Variants in PLXNB1 observed in about 807,000 individuals in gnomAD.
PLXNB1 encodes the protein plexin-B1.
Under a neutral mutation model 209.4 loss-of-function variants are expected in PLXNB1, and 106 were observed. The observed-to-expected ratio is 0.51, with a 90% CI of 0.43 to 0.59. The LOEUF (loss-of-function observed/expected upper bound fraction) is 0.59. Ranked by LOEUF, PLXNB1 falls within the 20% of genes least tolerant of loss-of-function variation. PLXNB1 has a pLI of 0.00. For synonymous variants in PLXNB1, 1,167 were observed against 1,183.2 expected (o/e 0.99, Z 0.28); for missense variants, 2,357 against 2,853.2 (o/e 0.83, Z 3.96).
Position 48,410,900 on chromosome 3 carries a change from G to T in PLXNB1, c.5384C>A (p.Thr1795Asn). ...AAGGGTGCGAGGGTCTGGCCGCTGG[G>T]TGAGAGGCACTCCTTTATAAAGCTG... ...LDQLYKGVPL[T>N]QRPDPRTLDV... The change falls in exon 29 of 38, where the codon ACC (threonine) becomes AAC (asparagine). Residue 1795 changes from threonine to asparagine, a missense_variant. By Grantham distance (65) the Thr-to-Asn change is moderately conservative. Transcript: ENST00000296440. The surrounding 1 kb of genome is among the most constrained non-coding windows in gnomAD (Gnocchi z 6.4). 6.2e-7 allele frequency: 1 copy of T among 1,613,098 alleles called. No homozygotes were observed. Among genetic ancestry groups the T allele is most frequent in the South Asian group, 1.1e-5 (1 of 90,824 alleles).
At chr3:48,404,744 C>G (rs1002069) in intron 37 of PLXNB1, among the ~76,000 whole-genome samples, 154 bp from the exon 38 acceptor site, 2,012 of 152,238 alleles carry the variant, frequency 0.013, 39 homozygotes, top group African/African-American at 0.045. Context: ...ACCTCAGGGC[C>G]TCGCTGGCGG....
rs2037326482 is a variant in PLXNB1 at position 48,406,583 on chromosome 3, C to G, written c.6228+240G>C. The G allele has an allele frequency of 7.5e-7, 1 of 1,340,112 alleles. No individual in the cohort carries two copies. Among genetic ancestry groups the G allele is most frequent in the Non-Finnish European group, 9.5e-7 (1 of 1,047,456 alleles). 83.0% of individuals were successfully genotyped at this position (1,340,112 alleles called of 1,614,324 possible). ...TCCCAGCTACCTTGCAAGAGCCTGG[C>G]TGAATCAGGGTACATGGCAGCTGCC... On this transcript the variant is annotated intron_variant, in intron 36 of 37. Coordinates refer to ENST00000296440, the MANE Select transcript of PLXNB1 (RefSeq NM_001130082.3). The surrounding 1 kb of genome is among the most constrained non-coding windows in gnomAD (Gnocchi z 4.4).
rs866921425 is a variant in PLXNB1, at chr3:48,414,655, C to T, written c.4209+144G>A. On this transcript the variant is annotated intron_variant, in intron 21 of 37. Transcript: ENST00000296440. ...GCTAGGCACCCCCCACCAGCCCCCT[C>T]TGCCCCCACCACAGCAAGGATGAGG... 311 of 1,116,318 alleles carry T rather than the reference C, an allele frequency of 2.8e-4. 3 individuals carry two copies. The Middle Eastern group carries it at 4.9e-3, about 18-fold the overall frequency. 69.2% of individuals were successfully genotyped at this position (1,116,318 alleles called of 1,614,324 possible).
Position 48,415,787 on chromosome 3 carries a change from G to C in PLXNB1, c.3618-28C>G. 2 of 1,532,778 alleles carry C rather than the reference G, an allele frequency of 1.3e-6. No homozygotes were observed. The highest frequency in any genetic ancestry group is 1.8e-6 in the Non-Finnish European group (2 of 1,134,088). The allele number at this position is 1,532,778 out of a possible 1,614,324, so 94.9% of individuals were successfully genotyped here. ...GGGAGGGGAGGTGGGAATGAATGCAGGGGCGCAGGCAGGGAAAACTTGGAC... is the reference window on the plus strand; with the variant it reads ...GGGAGGGGAGGTGGGAATGAATGCACGGGCGCAGGCAGGGAAAACTTGGAC... On this transcript the variant is annotated intron_variant, in intron 18 of 37. Transcript: ENST00000296440. The surrounding 1 kb of genome is among the most constrained non-coding windows in gnomAD (Gnocchi z 5.0).
Position 48,415,056 on chromosome 3 carries a change from G to A in PLXNB1, c.3967-15C>T. The A allele has an allele frequency of 6.2e-7, 1 of 1,611,204 alleles. No homozygotes were observed. The highest frequency in any genetic ancestry group is 1.1e-5 in the South Asian group (1 of 91,058). On this transcript the variant is annotated splice_polypyrimidine_tract_variant and intron_variant, in intron 20 of 37. Coordinates refer to ENST00000296440, the MANE Select transcript of PLXNB1 (RefSeq NM_001130082.3). This position sits in a 1 kb window ranked among gnomAD's most constrained non-coding sequence, Gnocchi z 5.0. The stretch of plus-strand genomic sequence containing the variant: ...GGCTCCTCAAACTGGAAGGAAGACA[G>A]GCAGGTTGACGAGGGGCCAAGCAAA...
At chr3:48,408,366 C>T (rs962376221) in intron 34 of PLXNB1, among the ~76,000 whole-genome samples, 1 of 152,070 alleles carries the variant, frequency 6.6e-6, no homozygotes, top group African/African-American at 2.4e-5. Context: ...AAGTCCCAAG[C>T]CAACTGAGAC....
Position 48,417,626 on chromosome 3 carries a change from G to T in PLXNB1, c.3374+285C>A, listed in dbSNP as rs531683587. 6.6e-6 allele frequency among the ~76,000 whole-genome samples: 1 copy of T among 152,290 alleles called. No individual in the cohort carries two copies. Among genetic ancestry groups the T allele is most frequent in the South Asian group, 2.1e-4 (1 of 4,826 alleles). ...TGCCACAGCTATTAATATATCCACA[G>T]TCCCTCAGAAGACCAGGTGAGCAGA... is the stretch of plus-strand genomic sequence containing the variant. On this transcript the variant is annotated intron_variant, in intron 16 of 37. Coordinates refer to ENST00000296440, the MANE Select transcript of PLXNB1 (RefSeq NM_001130082.3). The surrounding 1 kb of genome is among the most constrained non-coding windows in gnomAD (Gnocchi z 4.4).
Position 48,424,272 on chromosome 3 carries a change from C to T in PLXNB1, c.340G>A (p.Val114Met), listed in dbSNP as rs1683728136. The change falls in exon 3 of 38, where the codon GTG (valine) becomes ATG (methionine). Residue 114 changes from valine to methionine, a missense_variant. Coordinates refer to ENST00000296440, the MANE Select transcript of PLXNB1 (RefSeq NM_001130082.3). ...CGCTGTTCACAGACCCCCTGGTGCA[C>T]GCTCCCGCATACCACCAGGGCCCCT... ...SPGALVVCGSVHQGVCEQRRL... is the reference protein window; with the variant it reads ...SPGALVVCGSMHQGVCEQRRL... 4 of 1,592,242 alleles carry T rather than the reference C, an allele frequency of 2.5e-6. No homozygotes were observed. Among genetic ancestry groups the T allele is most frequent in the Non-Finnish European group, 3.4e-6 (4 of 1,169,776 alleles).
Position 48,404,475 on chromosome 3 carries a change from CTCCTGGGT to C in PLXNB1, c.*3_*10del, listed in dbSNP as rs757815254. 1 of 1,590,066 alleles carries C rather than the reference CTCCTGGGT, an allele frequency of 6.3e-7. No individual in the cohort carries two copies. The highest frequency in any genetic ancestry group is 1.1e-5 in the South Asian group (1 of 90,062). On this transcript the variant is annotated 3_prime_UTR_variant, in exon 38 of 38. Coordinates refer to ENST00000296440, the MANE Select transcript of PLXNB1 (RefSeq NM_001130082.3). Reference sequence around the variant, plus strand: ...AGGCTGAAGCAACAGCAGGCCGTGGCTCCTGGGTTCCTATAGATCTGTGACCTTGTTTT... The same window carrying C: ...AGGCTGAAGCAACAGCAGGCCGTGGCTCCTATAGATCTGTGACCTTGTTTT...
rs999809255 is a variant in PLXNB1, at chr3:48,420,935, T to C, written c.1832A>G (p.Glu611Gly). 1 of 1,613,450 alleles carries C rather than the reference T, an allele frequency of 6.2e-7. No individual in the cohort carries two copies. The highest frequency in any genetic ancestry group is 8.5e-7 in the Non-Finnish European group (1 of 1,179,632). The part of the protein sequence containing the change: ...RGADYVSVSV[E>G]LRFGAVVIAK... Reference sequence around the variant, plus strand: ...GATCACAACAGCGCCAAATCTGAGCTCCACGCTCACGGATACGTAGTCTGC... The same window carrying C: ...GATCACAACAGCGCCAAATCTGAGCCCCACGCTCACGGATACGTAGTCTGC... Residue 611 changes from glutamate to glycine, a missense_variant, in exon 9 of 38, where the codon GAG becomes GGG. By Grantham distance (98) the Glu-to-Gly change is moderately conservative. Coordinates refer to ENST00000296440, the MANE Select transcript of PLXNB1 (RefSeq NM_001130082.3).
rs530178295 is a variant in PLXNB1, at chr3:48,419,210, G to A, written c.2832+34C>T. ...GCAGAGTTTCTCAACAGCTAAGGAG[G>A]CTGCAAGGACAGCGGCAGGCAGGAC... On this transcript the variant is annotated intron_variant, in intron 12 of 37. Coordinates refer to ENST00000296440, the MANE Select transcript of PLXNB1 (RefSeq NM_001130082.3). The surrounding 1 kb of genome is among the most constrained non-coding windows in gnomAD (Gnocchi z 5.7). The A allele has an allele frequency of 6.5e-7, 1 of 1,546,480 alleles. No homozygotes were observed. The highest frequency in any genetic ancestry group is 8.8e-7 in the Non-Finnish European group (1 of 1,142,074).
In PLXNB1 at chr3:48,422,336, TC is replaced by T; in HGVS notation, c.1413del (p.Ser472AlafsTer4). 1 of 1,611,202 alleles carries T rather than the reference TC, an allele frequency of 6.2e-7. No individual in the cohort carries two copies. The highest frequency in any genetic ancestry group is 8.5e-7 in the Non-Finnish European group (1 of 1,178,536). ...GGCTTGTGCCTGGCACTCACTGTGC[TC>T]TGGGTCATGACATACAGGTGCTCAA... The part of the protein sequence containing the change: ...GTFEHLYVMT[Q>X]STLLKVPVAS... On this transcript the variant is annotated frameshift_variant, in exon 5 of 38. Coordinates refer to ENST00000296440, the MANE Select transcript of PLXNB1 (RefSeq NM_001130082.3). LOFTEE classifies it high-confidence loss of function.
At chr3:48,412,054 G>A in intron 27 of PLXNB1, 45 bp from the exon 28 acceptor site, 1 of 1,606,220 alleles carries the variant, frequency 6.2e-7, no homozygotes, top group East Asian at 2.2e-5. Context: ...GGTGGCAGAG[G>A]TGTATGGGAC....
rs557711097 is a variant in PLXNB1 at position 48,413,576 on chromosome 3, A to C, written c.4535+94T>G. ...ATATTTACTCTCTGGCCATTTACAG[A>C]GAATGTTTCCTGACTCCTGGCCCGG... On this transcript the variant is annotated intron_variant, in intron 23 of 37. Transcript: ENST00000296440. This position sits in a 1 kb window ranked among gnomAD's most constrained non-coding sequence, Gnocchi z 5.4. 5.4e-6 allele frequency: 7 copies of C among 1,298,730 alleles called. No homozygotes were observed. The highest frequency in any genetic ancestry group is 2.3e-4 in the Middle Eastern group (1 of 4,300). 80.5% of individuals were successfully genotyped at this position (1,298,730 alleles called of 1,614,324 possible).
chr3:48,424,286 AC>A lies in PLXNB1; in HGVS notation c.325del (p.Val109TrpfsTer48). Reference sequence around the variant, plus strand: ...CCCCTGGTGCACGCTCCCGCATACCACCAGGGCCCCTGGGCTCACCAGGAGC... The same window carrying A: ...CCCCTGGTGCACGCTCCCGCATACCACAGGGCCCCTGGGCTCACCAGGAGC... ...QLLLVSPGALVVCGSVHQGVC... is the reference protein window; with the variant it reads ...QLLLVSPGALXVCGSVHQGVC... On this transcript the variant is annotated frameshift_variant, in exon 3 of 38. Transcript: ENST00000296440. LOFTEE classifies it high-confidence loss of function. 6.3e-7 allele frequency: 1 copy of A among 1,580,200 alleles called. No homozygotes were observed. The highest frequency in any genetic ancestry group is 8.6e-7 in the Non-Finnish European group (1 of 1,163,322).
intron 8 of PLXNB1, 114 bp downstream of exon 8, chr3:48,421,114 G>C: frequency 7.3e-7 from 1 of 1,367,294 alleles, no homozygotes; most frequent in Non-Finnish European, 1.0e-6. Context: ...GGAGTGGGAG[G>C]ACCCAGAGAA....
chr3:48,409,253 A>G lies in PLXNB1; in HGVS notation c.6087+76T>C. 2 of 1,548,082 alleles carry G rather than the reference A, an allele frequency of 1.3e-6. No homozygotes were observed. Among genetic ancestry groups the G allele is most frequent in the Non-Finnish European group, 1.8e-6 (2 of 1,136,722 alleles). On this transcript the variant is annotated intron_variant, in intron 34 of 37. Transcript: ENST00000296440. This position sits in a 1 kb window ranked among gnomAD's most constrained non-coding sequence, Gnocchi z 5.8. ...TAAGCCCTCCTTGAAGTTCTCAGAA[A>G]AGCCTGGAATCTGAGTGCACACACA...
In PLXNB1 at chr3:48,413,943, T is replaced by C. The variant is rs775619809; in HGVS notation, c.4338A>G (p.Pro1446=). Residue 1446 remains proline, a synonymous_variant, in exon 22 of 38, where the codon CCA becomes CCG. Transcript: ENST00000296440. This position sits in a 1 kb window ranked among gnomAD's most constrained non-coding sequence, Gnocchi z 5.4. The part of the protein sequence containing the change: ...YCEPPVEQPL[P]RHHALREAPD... ...GTGCCTCTCGGAGGGCATGGTGCCG[T>C]GGCAGGGGCTGCTCCACGGGGGGCT... 6.2e-7 allele frequency: 1 copy of C among 1,612,940 alleles called. No individual in the cohort carries two copies. Among genetic ancestry groups the C allele is most frequent in the East Asian group, 2.2e-5 (1 of 44,864 alleles).
rs1688445995 is a variant in PLXNB1, at chr3:48,409,059, C to T, written c.6087+270G>A. Among the ~76,000 whole-genome samples the T allele has an allele frequency of 6.6e-6, 1 of 152,240 alleles. No individual in the cohort carries two copies. The highest frequency in any genetic ancestry group is 1.5e-5 in the Non-Finnish European group (1 of 68,042). On this transcript the variant is annotated intron_variant, in intron 34 of 37. Coordinates refer to ENST00000296440, the MANE Select transcript of PLXNB1 (RefSeq NM_001130082.3). The surrounding 1 kb of genome is among the most constrained non-coding windows in gnomAD (Gnocchi z 5.8). ...GTGAGTCCTGACCAACTGGCCCTGGCCTACTGCCACGCCTGGCCAGCATTC... is the reference window on the plus strand; with the variant it reads ...GTGAGTCCTGACCAACTGGCCCTGGTCTACTGCCACGCCTGGCCAGCATTC...
Sources: gnomAD v4.1 joint callset for allele counts (sites outside exome capture counted in the v4.1 genomes callset) on GRCh38, gnomAD v4.1.1 for gene constraint, Gnocchi (gnomAD v3.1) non-coding constraint, MANE v1.5 for transcripts, NCBI Gene and HGNC (gene_info 2026-07-23, HGNC 2026-07-21) for gene names.